RANBP2: variants seen among roughly 807,000 people sequenced by gnomAD.
The protein encoded by RANBP2 is E3 SUMO-protein ligase RanBP2.
In RANBP2, 57 loss-of-function variants were observed where a neutral mutation model predicts 303.6. The observed-to-expected ratio is 0.19, with a 90% CI of 0.15 to 0.23. RANBP2 has a LOEUF of 0.23. Ranked by LOEUF, RANBP2 falls within the 10% of genes least tolerant of loss-of-function variation. RANBP2 has a pLI of 1.00. For synonymous variants in RANBP2, 1,167 were observed against 1,301.5 expected, an observed-to-expected ratio of 0.90 and a Z score of 2.23; for missense variants, 3,138 against 3,780.8, an observed-to-expected ratio of 0.83 and a Z score of 4.46.
chr2:108,851,219 C>T, the RANBP2 span, among the ~76,000 whole-genome samples: 1 of 152,172 alleles, frequency 6.6e-6, no homozygotes, highest in African/African-American at 2.4e-5. Flanking sequence ...CTCCCTGGAG[C>T]ACCACGCTCC....
At chr2:108,849,032 G>A in the RANBP2 span, among the ~76,000 whole-genome samples, 1 of 152,046 alleles carries the variant, frequency 6.6e-6, no homozygotes, top group African/African-American at 2.4e-5. Flanking sequence ...TGGAAGATAC[G>A]GGATAAAAAG....
At chr2:109,394,438 TG>T in the RANBP2 span, among the ~76,000 whole-genome samples, 1 of 152,066 alleles carries the variant, frequency 6.6e-6, no homozygotes, top group Non-Finnish European at 1.5e-5. Flanking sequence ...GACTAGGGGG[TG>T]GCCCCTGCAG....
the RANBP2 span, among the ~76,000 whole-genome samples, chr2:109,409,962 G>C: frequency 6.6e-6 from 1 of 152,030 alleles, no homozygotes; most frequent in Non-Finnish European, 1.5e-5. Flanking sequence ...GTTTCTTCTT[G>C]GGGTCTTCAT....
chr2:108,742,240 C>T (rs777786888), intron 7 of RANBP2, among the ~76,000 whole-genome samples: 6 of 152,140 alleles, frequency 3.9e-5, no homozygotes, highest in East Asian at 1.9e-4. Flanking sequence ...AGGTGATCTT[C>T]GCGCCTCAGC....
chr2:108,976,646 T>C, the RANBP2 span, among the ~76,000 whole-genome samples: 3 of 152,362 alleles, frequency 2.0e-5, no homozygotes, highest in African/African-American at 7.2e-5. Flanking sequence ...GTCCATTATT[T>C]ATTTGTCAGT....
the RANBP2 span, among the ~76,000 whole-genome samples, chr2:108,989,895 G>A: frequency 1.3e-5 from 2 of 152,132 alleles, no homozygotes; most frequent in Non-Finnish European, 2.9e-5. Flanking sequence ...GATAAATACA[G>A]GAACAGAGCA....
the RANBP2 span, among the ~76,000 whole-genome samples, chr2:108,944,464 C>T: frequency 2.6e-5 from 4 of 152,178 alleles, no homozygotes; most frequent in Admixed American, 1.3e-4. Context: ...ACTATGGCTG[C>T]GGCAACAATG....
the RANBP2 span, among the ~76,000 whole-genome samples, chr2:109,524,429 A>G: frequency 1.6e-5 from 2 of 121,786 alleles, no homozygotes; most frequent in South Asian, 6.0e-4. Context: ...AGGGTGACAG[A>G]GTGGGACCCT....
the RANBP2 span, among the ~76,000 whole-genome samples, chr2:109,047,572 G>A: frequency 6.6e-6 from 1 of 152,216 alleles, no homozygotes; most frequent in Non-Finnish European, 1.5e-5. Flanking sequence ...ACTTTGGGAG[G>A]CAAAGGTGGG....
At chr2:108,845,479 A>G in the RANBP2 span, among the ~76,000 whole-genome samples, 1 of 152,184 alleles carries the variant, frequency 6.6e-6, no homozygotes, top group African/African-American at 2.4e-5. Flanking sequence ...AGATTGGAGA[A>G]TTGGGTCATA....
At chr2:109,271,250 G>A in the RANBP2 span, among the ~76,000 whole-genome samples, 2 of 152,168 alleles carry the variant, frequency 1.3e-5, no homozygotes, top group Admixed American at 1.3e-4. Flanking sequence ...AATTGCTCCA[G>A]AAAAGCCCTG....
rs777750399 is a variant in RANBP2 at position 108,767,434 on chromosome 2, G to A, written c.6895G>A (p.Val2299Ile). 1 of 1,611,908 alleles carries A rather than the reference G, an allele frequency of 6.2e-7. No individual in the cohort carries two copies. The highest frequency in any genetic ancestry group is 8.5e-7 in the Non-Finnish European group (1 of 1,179,832). The change falls in exon 20 of 29, where the codon GTT (valine) becomes ATT (isoleucine). Residue 2299 changes from valine to isoleucine, a missense_variant. Val to Ile is a conservative substitution (Grantham distance 29). This residue lies in a region of RANBP2 where 72 missense variants were observed against 86.8 expected (regional missense o/e 0.83). Coordinates refer to ENST00000283195, the MANE Select transcript of RANBP2 (RefSeq NM_006267.5). ...AGTTGGCACTGATGAAGAATCTGAT[G>A]TTACTCAAGAAGAAGAGAGAGATGG... Reference protein sequence around the residue: ...TSVGTDEESDVTQEEERDGQY... With the variant: ...TSVGTDEESDITQEEERDGQY...
At chr2:109,684,760 C>A in the RANBP2 span, among the ~76,000 whole-genome samples, 3 of 151,736 alleles carry the variant, frequency 2.0e-5, no homozygotes, top group Admixed American at 2.0e-4. Flanking sequence ...GACTTGAACT[C>A]CTGACCTCAG....
the RANBP2 span, among the ~76,000 whole-genome samples, chr2:108,851,917 A>C: frequency 6.6e-6 from 1 of 152,220 alleles, no homozygotes; most frequent in South Asian, 2.1e-4. Flanking sequence ...TGAGGTTTAC[A>C]AAGGTAGATA....
chr2:109,737,765 C>T, the RANBP2 span, among the ~76,000 whole-genome samples: 1 of 152,080 alleles, frequency 6.6e-6, no homozygotes, highest in South Asian at 2.1e-4. Flanking sequence ...TTGGTAATAG[C>T]TATCTTAACT....
the RANBP2 span, among the ~76,000 whole-genome samples, chr2:109,374,664 G>A: frequency 4.6e-5 from 7 of 152,324 alleles, no homozygotes; most frequent in South Asian, 1.0e-3. Context: ...TAGCAGACCC[G>A]TCACCTCACA....
the RANBP2 span, among the ~76,000 whole-genome samples, chr2:108,810,355 G>T: frequency 1.3e-5 from 2 of 152,162 alleles, no homozygotes; most frequent in Non-Finnish European, 2.9e-5. Context: ...ACTGTGAAGA[G>T]ATGTTGTTGA....
At chr2:108,800,186 T>A in the RANBP2 span, among the ~76,000 whole-genome samples, 3 of 152,156 alleles carry the variant, frequency 2.0e-5, no homozygotes, top group African/African-American at 7.2e-5. Context: ...ATGCATAGAT[T>A]TTGGGTTCTA....
At chr2:109,720,194 G>A in the RANBP2 span, among the ~76,000 whole-genome samples, 2 of 151,946 alleles carry the variant, frequency 1.3e-5, no homozygotes, top group South Asian at 4.1e-4. Flanking sequence ...CCTCCTGCAC[G>A]CCTCCACGCC....
Sources: gnomAD v4.1 joint callset for allele counts (sites outside exome capture counted in the v4.1 genomes callset) on GRCh38, gnomAD v4.1.1 for gene constraint, gnomAD v4.1.1 regional missense constraint, MANE v1.5 for transcripts, NCBI Gene and HGNC (gene_info 2026-07-23, HGNC 2026-07-21) for gene names.